HOXD3: variants seen among roughly 807,000 people sequenced by gnomAD.
HOXD3 encodes homeobox D3, also known as homeobox protein Hox-D3.
HOXD3 carries 13 observed loss-of-function variants against 32.8 expected under a neutral mutation model. That is an observed-to-expected ratio of 0.40 (90% CI 0.26 to 0.63). HOXD3 has a LOEUF of 0.63. Among genes scored for constraint, HOXD3 ranks in the 20% least tolerant of loss-of-function variants. The probability of loss-of-function intolerance (pLI) is 0.44; values close to 1 mark genes in which losing one functional copy is unlikely to be tolerated. For missense variants in HOXD3, 504 were observed against 577.1 expected, an observed-to-expected ratio of 0.87 and a Z score of 1.30; for synonymous variants, 241 against 246.8, an observed-to-expected ratio of 0.98 and a Z score of 0.22.
chr2:176,168,060 A>C (rs1691037310), intron 2 of HOXD3, among the ~76,000 whole-genome samples: 1 of 152,182 alleles, frequency 6.6e-6, no homozygotes, highest in Non-Finnish European at 1.5e-5. Context: ...AGTTGAGCTA[A>C]AAAGAAGGAA....
intron 1 of HOXD3, among the ~76,000 whole-genome samples, chr2:176,159,517 A>T (rs575068069): frequency 1.3e-5 from 2 of 152,302 alleles, no homozygotes; most frequent in African/African-American, 4.8e-5. Context: ...TGGCAACGAA[A>T]CCAAAACTTC....
chr2:176,152,875 C>T (rs1255431591), upstream of HOXD3: 1 of 1,614,106 alleles, frequency 6.2e-7, no homozygotes, highest in East Asian at 2.2e-5. The surrounding 1 kb of genome is among the most constrained non-coding windows in gnomAD (Gnocchi z 5.2). Flanking sequence ...TGCTCCTCCT[C>T]AGTCGCCCCC....
chr2:176,152,964 C>G, upstream of HOXD3: 3 of 1,608,242 alleles, frequency 1.9e-6, no homozygotes, highest in Non-Finnish European at 1.7e-6. The surrounding 1 kb of genome is among the most constrained non-coding windows in gnomAD (Gnocchi z 5.2). Context: ...CTGGGCCCAT[C>G]TCTCCCTGCG....
chr2:176,158,097 C>T (rs1690688383), intron 1 of HOXD3, among the ~76,000 whole-genome samples: 1 of 152,256 alleles, frequency 6.6e-6, no homozygotes, highest in Non-Finnish European at 1.5e-5. Context: ...TCTCCCCACC[C>T]AAGTTCTGCT....
In HOXD3 at chr2:176,172,106, C is replaced by T. The variant is rs1321938831; in HGVS notation, c.1131C>T (p.Gly377=). Residue 377 remains glycine (G), a synonymous_variant, in exon 4 of 4, where the codon GGC becomes GGT. Coordinates refer to ENST00000683222, the MANE Select transcript of HOXD3 (RefSeq NM_006898.5). ...APASGPVFNL[G]HLSHPSSASV... ...CGTCCGGGCCTGTCTTCAACCTGGG[C>T]CACCTCTCGCACCCGTCGTCGGCCA... The T allele has an allele frequency of 8.1e-6, 13 of 1,612,540 alleles. No homozygotes were observed. The highest frequency in any genetic ancestry group is 1.1e-5 in the Non-Finnish European group (13 of 1,179,918).
upstream of HOXD3, chr2:176,152,745 C>G: frequency 8.1e-6 from 13 of 1,614,212 alleles, no homozygotes; most frequent in Non-Finnish European, 1.1e-5. This position sits in a 1 kb window ranked among gnomAD's most constrained non-coding sequence, Gnocchi z 5.2. Context: ...CGCTCACACC[C>G]TGTGTCTGTC....
At chr2:176,161,027 C>A (rs1446612234) in intron 1 of HOXD3, 1 of 152,272 alleles carries the variant, frequency 6.6e-6, no homozygotes, top group East Asian at 1.9e-4. Flanking sequence ...CTGCCCCCCA[C>A]TGGCGCCCAC....
At chr2:176,154,760 TG>T (rs1218132697), upstream of HOXD3, among the ~76,000 whole-genome samples, 2 of 152,192 alleles carry the variant, frequency 1.3e-5, no homozygotes, top group Non-Finnish European at 2.9e-5. Context: ...TGTTTCTCCT[TG>T]GGGTGAGCCT....
intron 1 of HOXD3, among the ~76,000 whole-genome samples, chr2:176,160,467 C>G (rs1321119826): frequency 2.0e-5 from 3 of 152,236 alleles, no homozygotes; most frequent in African/African-American, 7.2e-5. Flanking sequence ...CCACACCCAT[C>G]CGCGTCTGCC....
At chr2:176,162,778 CATA>C (rs1331767101) in intron 1 of HOXD3, among the ~76,000 whole-genome samples, 3 of 152,212 alleles carry the variant, frequency 2.0e-5, no homozygotes, top group African/African-American at 7.2e-5. Context: ...TAGCTAGAGG[CATA>C]AGGGGGTGGC....
At chr2:176,157,128 G>A (rs1459923336), upstream of HOXD3, among the ~76,000 whole-genome samples, 1 of 152,166 alleles carries the variant, frequency 6.6e-6, no homozygotes, top group African/African-American at 2.4e-5. Context: ...GCCATGTTGG[G>A]GAGCCCTCCC....
upstream of HOXD3, among the ~76,000 whole-genome samples, chr2:176,156,653 G>A (rs919099731): frequency 1.3e-5 from 2 of 151,942 alleles, no homozygotes; most frequent in African/African-American, 2.4e-5. Context: ...TCCTTCTTCC[G>A]CGCCCCCTCC....
At position 176,172,589 on chromosome 2, in the gene HOXD3, GCGC is replaced by G. The variant is rs1691234897; in HGVS notation, c.*317_*319del. The G allele has an allele frequency of 2.7e-5, 9 of 337,256 alleles. No individual in the cohort carries two copies. The highest frequency in any genetic ancestry group is 1.9e-4 in the African/African-American group (9 of 47,330). The allele number at this position is 337,256 out of a possible 1,614,324, so 20.9% of individuals were successfully genotyped here. A position where few individuals can be genotyped will look rare whatever the true frequency, so the allele number is the denominator to read the frequency against. On this transcript the variant is annotated 3_prime_UTR_variant, in exon 4 of 4. Transcript: ENST00000683222. ...GGTAAGTCTGAGACCCATCAGCGGCGCGCCCTGCAGAGGGACCAGAGCTTGGAG... is the reference window on the plus strand; with the variant it reads ...GGTAAGTCTGAGACCCATCAGCGGCGCCTGCAGAGGGACCAGAGCTTGGAG...
chr2:176,168,566 T>TAAAGC (rs1691063619), intron 2 of HOXD3, among the ~76,000 whole-genome samples: 1 of 150,256 alleles, frequency 6.7e-6, no homozygotes, highest in Admixed American at 6.6e-5. Flanking sequence ...AAATTCCATC[T>TAAAGC]AAAACAAAAC....
Position 176,172,352 on chromosome 2 carries a change from G to T in HOXD3, c.*78G>T, listed in dbSNP as rs1299496939. On this transcript the variant is annotated 3_prime_UTR_variant, in exon 4 of 4. Transcript: ENST00000683222. ...TGGGGTAGAGGGTGGGGCCCGCGGG[G>T]CAGTTCGGGAACCCCCTTCCCCGCT... 1.5e-5 allele frequency: 20 copies of T among 1,374,856 alleles called. No homozygotes were observed. The highest frequency in any genetic ancestry group is 2.0e-5 in the Non-Finnish European group (20 of 1,025,370). 85.2% of individuals were successfully genotyped at this position (1,374,856 alleles called of 1,614,324 possible).
At chr2:176,154,322 T>C (rs1427444883), upstream of HOXD3, among the ~76,000 whole-genome samples, 1 of 152,090 alleles carries the variant, frequency 6.6e-6, no homozygotes, top group Non-Finnish European at 1.5e-5. Flanking sequence ...TGGGAAGGGT[T>C]CAAAGTTCAT....
intron 1 of HOXD3, among the ~76,000 whole-genome samples, chr2:176,158,536 A>G (rs963702787): frequency 6.6e-6 from 1 of 152,044 alleles, no homozygotes; most frequent in Non-Finnish European, 1.5e-5. Flanking sequence ...GATTTCAGCG[A>G]GCAGGGGCTG....
At chr2:176,170,665 G>A (rs903085568) in intron 3 of HOXD3, among the ~76,000 whole-genome samples, 46 of 152,184 alleles carry the variant, frequency 3.0e-4, no homozygotes, top group African/African-American at 1.1e-3. Context: ...CTGCTCCTAG[G>A]GAGAGGGTAT....
In HOXD3 at chr2:176,172,052, C is replaced by A; in HGVS notation, c.1077C>A (p.Gly359=). The part of the protein sequence containing the change: ...ANLQGSPVYV[G]GNFVESMAPA... Reference sequence around the variant, plus strand: ...TGCAGGGCAGCCCGGTGTACGTGGGCGGCAACTTCGTCGAGTCCATGGCGC... The same window carrying A: ...TGCAGGGCAGCCCGGTGTACGTGGGAGGCAACTTCGTCGAGTCCATGGCGC... The change falls in exon 4 of 4, where the codon GGC becomes GGA. Residue 359 remains glycine (G), a synonymous_variant. Transcript: ENST00000683222. The A allele has an allele frequency of 6.2e-7, 1 of 1,608,280 alleles. No individual in the cohort carries two copies. Among genetic ancestry groups the A allele is most frequent in the Non-Finnish European group, 8.5e-7 (1 of 1,178,740 alleles).
Sources: gnomAD v4.1 joint callset for allele counts (sites outside exome capture counted in the v4.1 genomes callset) on GRCh38, gnomAD v4.1.1 for gene constraint, Gnocchi (gnomAD v3.1) non-coding constraint, MANE v1.5 for transcripts, NCBI Gene and HGNC (gene_info 2026-07-23, HGNC 2026-07-21) for gene names.